The following OSBPL1A variants were observed in gnomAD, a reference collection of about 807,000 sequenced individuals.
The protein encoded by OSBPL1A is oxysterol binding protein like 1A, also known as oxysterol-binding protein-related protein 1.
Under a neutral mutation model 137.1 loss-of-function variants are expected in OSBPL1A, and 80 were observed. The ratio of observed to expected loss-of-function variants is 0.58; its 90% CI spans 0.49 to 0.70. OSBPL1A has a LOEUF of 0.70. OSBPL1A is among the 30% of genes least tolerant of loss of function. OSBPL1A has a pLI of 0.00. For missense variants in OSBPL1A, 970 were observed against 1,129.4 expected (o/e 0.86, Z 2.02); for synonymous variants, 365 against 389.7 (o/e 0.94, Z 0.75).
chr18:24,387,386 C>T (rs1350626491), intron 1 of OSBPL1A, among the ~76,000 whole-genome samples: 2 of 151,932 alleles, frequency 1.3e-5, no homozygotes, highest in Non-Finnish European at 2.9e-5. Context: ...AAATACTTTC[C>T]CGGTGGCTCT....
intron 15 of OSBPL1A, among the ~76,000 whole-genome samples, chr18:24,274,631 G>T (rs2089802635): frequency 1.3e-5 from 2 of 152,202 alleles, no homozygotes; most frequent in African/African-American, 2.4e-5. Flanking sequence ...GCTGAGGCCA[G>T]GCGTGGTGGC....
intron 17 of OSBPL1A, among the ~76,000 whole-genome samples, chr18:24,221,863 T>C (rs558119831): frequency 6.6e-6 from 1 of 152,310 alleles, no homozygotes; most frequent in South Asian, 2.1e-4. Context: ...ACTGTAAATA[T>C]CTTCTCCCTC....
chr18:24,321,315 A>G (rs1265845335), intron 7 of OSBPL1A, among the ~76,000 whole-genome samples: 1 of 152,176 alleles, frequency 6.6e-6, no homozygotes, highest in African/African-American at 2.4e-5. Context: ...ACTGGACTAC[A>G]GATGTTCCCC....
intron 18 of OSBPL1A, among the ~76,000 whole-genome samples, chr18:24,189,087 A>T (rs2086823107): frequency 6.6e-6 from 1 of 152,228 alleles, no homozygotes; most frequent in Non-Finnish European, 1.5e-5. Flanking sequence ...GCTAATAGCA[A>T]AGTTTAAATT....
chr18:24,272,155 G>GT, intron 15 of OSBPL1A: 1 of 983,924 alleles, frequency 1.0e-6, no homozygotes. Context: ...TGGGCTCTAC[G>GT]TGAGTGCCGC....
intron 15 of OSBPL1A, among the ~76,000 whole-genome samples, chr18:24,265,490 AAAG>A (rs1208180478): frequency 4.0e-5 from 6 of 151,490 alleles, no homozygotes; most frequent in Non-Finnish European, 5.9e-5. Flanking sequence ...GGAAAAAGAA[AAAG>A]AAAAAGAAAA....
At chr18:24,282,828 G>A (rs1056424043) in intron 14 of OSBPL1A, among the ~76,000 whole-genome samples, 6 of 152,160 alleles carry the variant, frequency 3.9e-5, no homozygotes, top group Admixed American at 3.9e-4. Flanking sequence ...TACAGCTAGG[G>A]CGAGGCATGG....
chr18:24,372,882 G>A (rs1905776613), intron 2 of OSBPL1A, among the ~76,000 whole-genome samples: 1 of 152,046 alleles, frequency 6.6e-6, no homozygotes, highest in Non-Finnish European at 1.5e-5. Context: ...TGGCCAACAT[G>A]GTGAAACCCT....
chr18:24,336,712 C>T (rs2091181793), intron 5 of OSBPL1A, among the ~76,000 whole-genome samples: 1 of 152,222 alleles, frequency 6.6e-6, no homozygotes, highest in Admixed American at 6.5e-5. Flanking sequence ...TTAGAGGTCA[C>T]AAAGTCTACC....
At chr18:24,224,606 AAAT>A (rs1204062522) in intron 17 of OSBPL1A, among the ~76,000 whole-genome samples, 1 of 152,250 alleles carries the variant, frequency 6.6e-6, no homozygotes, top group Admixed American at 6.5e-5. Context: ...GTCTTTGTTT[AAAT>A]TTAACTAAAT....
intron 14 of OSBPL1A, among the ~76,000 whole-genome samples, chr18:24,290,244 T>C (rs561351360): frequency 6.6e-6 from 1 of 152,158 alleles, no homozygotes; most frequent in East Asian, 1.9e-4. Context: ...AGTGCAGAGT[T>C]TGAAAGAATA....
chr18:24,214,027 C>G (rs969383078), intron 17 of OSBPL1A, among the ~76,000 whole-genome samples: 6 of 152,178 alleles, frequency 3.9e-5, no homozygotes, highest in African/African-American at 1.4e-4. Flanking sequence ...CAGCTGGATT[C>G]CCTTACTATA....
intron 4 of OSBPL1A, among the ~76,000 whole-genome samples, chr18:24,352,597 T>C (rs567868724): frequency 7.2e-5 from 11 of 152,206 alleles, no homozygotes; most frequent in Non-Finnish European, 1.3e-4. Context: ...AAAAAGAGCC[T>C]GCATTGCCAA....
At chr18:24,373,767 C>T (rs1010024446) in intron 2 of OSBPL1A, among the ~76,000 whole-genome samples, 5 of 152,014 alleles carry the variant, frequency 3.3e-5, no homozygotes, top group Non-Finnish European at 5.9e-5. Context: ...CAAGAAATGC[C>T]GGGAAGGAAC....
At chr18:24,382,270 G>A (rs1251431596) in intron 1 of OSBPL1A, among the ~76,000 whole-genome samples, 3 of 151,196 alleles carry the variant, frequency 2.0e-5, no homozygotes, top group Admixed American at 1.3e-4. Flanking sequence ...AGCCAGGCGT[G>A]GTGGCAGGCG....
chr18:24,301,029 A>G (rs895629642), intron 14 of OSBPL1A, among the ~76,000 whole-genome samples: 16 of 152,234 alleles, frequency 1.1e-4, no homozygotes, highest in Admixed American at 7.8e-4. Context: ...CATGGCAGGT[A>G]AAAGACTATC....
intron 17 of OSBPL1A, among the ~76,000 whole-genome samples, chr18:24,196,751 T>G (rs1044930350): frequency 3.3e-5 from 5 of 152,196 alleles, no homozygotes; most frequent in African/African-American, 1.2e-4. Context: ...CCCTGTAACA[T>G]ACATCAGTAC....
chr18:24,331,723 C>T (rs1172000892), intron 7 of OSBPL1A, among the ~76,000 whole-genome samples: 1 of 151,668 alleles, frequency 6.6e-6, no homozygotes, highest in African/African-American at 2.4e-5. Context: ...ATACCCAAGA[C>T]ACCTTTTATA....
chr18:24,380,425 A>G lies in OSBPL1A; in HGVS notation c.-2-2890T>C, dbSNP rs1158411344. On this transcript the variant is annotated intron_variant, in intron 1 of 27. Transcript: ENST00000319481. Reference sequence around the variant, plus strand: ...CCACACGCTAAGGATGTTTTGCTGCATGTCCAGCTGAGGGTCCTAATTCCA... The same window carrying G: ...CCACACGCTAAGGATGTTTTGCTGCGTGTCCAGCTGAGGGTCCTAATTCCA... 2.6e-5 allele frequency among the ~76,000 whole-genome samples: 4 copies of G among 152,186 alleles called. 1 individual carries two copies. Among genetic ancestry groups the G allele is most frequent in the South Asian group, 4.1e-4 (2 of 4,832 alleles).
Sources: gnomAD v4.1 joint callset for allele counts (sites outside exome capture counted in the v4.1 genomes callset) on GRCh38, gnomAD v4.1.1 for gene constraint, MANE v1.5 for transcripts, NCBI Gene and HGNC (gene_info 2026-07-23, HGNC 2026-07-21) for gene names.